Variants in OR1J2 observed in about 807,000 individuals in gnomAD.
OR1J2 encodes olfactory receptor 1J2.
For synonymous variants in OR1J2, 142 were observed against 99.7 expected, an observed-to-expected ratio of 1.42 and a Z score of -2.52; for missense variants, 304 against 246.1, an observed-to-expected ratio of 1.24 and a Z score of -1.57.
chr9:122,565,158 A>G, the OR1J2 span, among the ~76,000 whole-genome samples: 2 of 152,210 alleles, frequency 1.3e-5, no homozygotes, highest in Non-Finnish European at 2.9e-5. Flanking sequence ...TGCCTGGTGC[A>G]TCTATTTGGA....
the OR1J2 span, among the ~76,000 whole-genome samples, chr9:122,539,833 T>C: frequency 6.6e-6 from 1 of 152,248 alleles, no homozygotes; most frequent in East Asian, 1.9e-4. Context: ...GGTATCTCAC[T>C]GTGGTTTTGA....
At chr9:122,485,269 A>G in the OR1J2 span, among the ~76,000 whole-genome samples, 2 of 152,196 alleles carry the variant, frequency 1.3e-5, no homozygotes, top group Admixed American at 1.3e-4. Context: ...CAGAATTAGA[A>G]TATTTATGAA....
the OR1J2 span, among the ~76,000 whole-genome samples, chr9:122,531,097 T>G: frequency 6.6e-6 from 1 of 152,120 alleles, no homozygotes; most frequent in Non-Finnish European, 1.5e-5. Context: ...TATGGAGAGA[T>G]AATGGGCGAT....
At chr9:122,480,908 C>T in the OR1J2 span, among the ~76,000 whole-genome samples, 1 of 152,116 alleles carries the variant, frequency 6.6e-6, no homozygotes, top group Non-Finnish European at 1.5e-5. Flanking sequence ...GATTCTCCTG[C>T]CTCAGCCTCC....
the OR1J2 span, among the ~76,000 whole-genome samples, chr9:122,479,114 T>C: frequency 3.0e-4 from 46 of 152,304 alleles, no homozygotes; most frequent in African/African-American, 1.1e-3. Context: ...CGAAAACATA[T>C]ATATATTCCT....
chr9:122,571,816 A>C, the OR1J2 span, among the ~76,000 whole-genome samples: 2 of 152,042 alleles, frequency 1.3e-5, no homozygotes. Flanking sequence ...CAGAAGATGC[A>C]GGCTGGATTT....
chr9:122,449,523 C>G, the OR1J2 span, among the ~76,000 whole-genome samples: 1 of 152,100 alleles, frequency 6.6e-6, no homozygotes, highest in Non-Finnish European at 1.5e-5. Context: ...GTGCCCACCA[C>G]CATGCCCAGC....
chr9:122,487,286 G>T, the OR1J2 span, among the ~76,000 whole-genome samples: 1 of 152,090 alleles, frequency 6.6e-6, no homozygotes, highest in Admixed American at 6.5e-5. Flanking sequence ...TAGCTGGGAT[G>T]CAGGCCAGAT....
chr9:122,475,426 A>T, the OR1J2 span, among the ~76,000 whole-genome samples: 1 of 152,202 alleles, frequency 6.6e-6, no homozygotes, highest in Non-Finnish European at 1.5e-5. Context: ...GAAACTTGCT[A>T]AGTGGTTCTA....
chr9:122,519,628 T>A, the OR1J2 span: 1 of 1,614,180 alleles, frequency 6.2e-7, no homozygotes, highest in Admixed American at 1.7e-5. Context: ...ACTCTCCTCC[T>A]GGCCCAGCTG....
the OR1J2 span, among the ~76,000 whole-genome samples, chr9:122,532,883 A>C: frequency 3.3e-5 from 5 of 152,044 alleles, no homozygotes; most frequent in African/African-American, 1.2e-4. Flanking sequence ...GGTTTGGGAG[A>C]TTAGTCGGAC....
chr9:122,471,253 C>T, the OR1J2 span: 1 of 152,108 alleles, frequency 6.6e-6, no homozygotes, highest in African/African-American at 2.4e-5. Flanking sequence ...GGGCAGTTCC[C>T]CCATACTGTT....
the OR1J2 span, among the ~76,000 whole-genome samples, chr9:122,570,128 C>T: frequency 2.2e-4 from 32 of 148,174 alleles, no homozygotes; most frequent in African/African-American, 6.2e-4. Flanking sequence ...TGAATAGTGC[C>T]GCAATAAACA....
Position 122,511,566 on chromosome 9 carries a change from A to G in OR1J2, c.765A>G (p.Ile255Met). 1 of 780,964 alleles carries G rather than the reference A, an allele frequency of 1.3e-6. No homozygotes were observed. Among genetic ancestry groups the G allele is most frequent in the Non-Finnish European group, 2.4e-6 (1 of 418,106 alleles). 48.4% of individuals were successfully genotyped at this position (780,964 alleles called of 1,614,324 possible). A position where few individuals can be genotyped will look rare whatever the true frequency, so the allele number is the denominator to read the frequency against. ...LSVVSLYYGSIFGQYLFPTVS... is the reference protein window; with the variant it reads ...LSVVSLYYGSMFGQYLFPTVS... ...TGGTGTCTCTCTATTATGGGTCAAT[A>G]TTTGGCCAGTACCTTTTCCCGACTG... The change falls in exon 1 of 1, where the codon ATA (isoleucine) becomes ATG (methionine). Residue 255 changes from isoleucine to methionine, a missense_variant. Transcript: ENST00000335302.
chr9:122,567,962 G>T, the OR1J2 span: 1 of 1,614,174 alleles, frequency 6.2e-7, no homozygotes, highest in Non-Finnish European at 8.5e-7. Context: ...GGATAACATT[G>T]GAGTCACAGA....
At chr9:122,555,698 T>G in the OR1J2 span, among the ~76,000 whole-genome samples, 2 of 152,320 alleles carry the variant, frequency 1.3e-5, no homozygotes, top group East Asian at 3.9e-4. Context: ...CAGGCAGGCA[T>G]GAACATTGCA....
At chr9:122,465,005 C>T in the OR1J2 span, among the ~76,000 whole-genome samples, 2 of 152,116 alleles carry the variant, frequency 1.3e-5, no homozygotes, top group African/African-American at 4.8e-5. Context: ...TTTTCTTCCT[C>T]TATTTCTAAA....
the OR1J2 span, among the ~76,000 whole-genome samples, chr9:122,480,139 A>T: frequency 2.0e-5 from 3 of 151,966 alleles, no homozygotes; most frequent in Admixed American, 1.3e-4. Flanking sequence ...TCACTATAAC[A>T]TATCACAGCT....
the OR1J2 span, among the ~76,000 whole-genome samples, chr9:122,482,019 T>C: frequency 3.9e-5 from 6 of 151,992 alleles, no homozygotes; most frequent in Non-Finnish European, 5.9e-5. Context: ...AATAAGATTA[T>C]ATCAAACTAA....
Sources: gnomAD v4.1 joint callset for allele counts (sites outside exome capture counted in the v4.1 genomes callset) on GRCh38, gnomAD v4.1.1 for gene constraint, MANE v1.5 for transcripts, NCBI Gene and HGNC (gene_info 2026-07-23, HGNC 2026-07-21) for gene names.